GPC5: variants seen among roughly 807,000 people sequenced by gnomAD.
GPC5 encodes glypican-5.
GPC5 carries 47 observed loss-of-function variants against 53.9 expected under a neutral mutation model. That is an observed-to-expected ratio of 0.87 (90% CI 0.69 to 1.11). The LOEUF is 1.11. GPC5 is among the 50% of genes most tolerant of loss of function. The probability of loss-of-function intolerance (pLI) is 0.00; values close to 1 mark genes in which losing one functional copy is unlikely to be tolerated. For missense variants in GPC5, 748 were observed against 713.1 expected (o/e 1.05, Z -0.56); for synonymous variants, 286 against 263.3 (o/e 1.09, Z -0.84).
rs552918272 is a variant in GPC5, at chr13:92,574,487, C to T, written c.1562-291795C>T. Among the ~76,000 whole-genome samples the T allele has an allele frequency of 1.9e-4, 29 of 152,244 alleles. No homozygotes were observed. The South Asian group carries it at 5.8e-3, about 30-fold the overall frequency. On this transcript the variant is annotated intron_variant, in intron 7 of 7. Transcript: ENST00000377067. ...TCTCTTTATAAGTATTACAGATTGT[C>T]ATAATTGATATGAACTATCAGAAAA...
At chr13:91,487,846 G>A (rs1207127224) in intron 2 of GPC5, among the ~76,000 whole-genome samples, 1 of 151,638 alleles carries the variant, frequency 6.6e-6, no homozygotes, top group African/African-American at 2.4e-5. Flanking sequence ...CATATGTTAG[G>A]ATTATCCTAC....
chr13:92,091,090 CTGTT>C (rs750630673), intron 6 of GPC5, among the ~76,000 whole-genome samples: 2 of 152,178 alleles, frequency 1.3e-5, no homozygotes, highest in Non-Finnish European at 2.9e-5. Context: ...AAATAAATGT[CTGTT>C]TAAGACAGCA....
intron 7 of GPC5, among the ~76,000 whole-genome samples, chr13:92,512,438 G>A (rs1426305600): frequency 6.6e-6 from 1 of 151,920 alleles, no homozygotes; most frequent in Non-Finnish European, 1.5e-5. Flanking sequence ...TAGTATGTGT[G>A]AACATTTCAA....
intron 7 of GPC5, among the ~76,000 whole-genome samples, chr13:92,306,517 A>G (rs1162204844): frequency 6.6e-6 from 1 of 152,150 alleles, no homozygotes; most frequent in African/African-American, 2.4e-5. Flanking sequence ...GTAGACTCTT[A>G]CCCTAGCCAG....
intron 3 of GPC5, among the ~76,000 whole-genome samples, chr13:91,717,002 T>C (rs1427529058): frequency 1.3e-5 from 2 of 152,258 alleles, no homozygotes; most frequent in African/African-American, 4.8e-5. Flanking sequence ...TCCTCTGCTC[T>C]ACTCCACATT....
At chr13:92,478,318 T>C (rs1879226527) in intron 7 of GPC5, among the ~76,000 whole-genome samples, 1 of 152,140 alleles carries the variant, frequency 6.6e-6, no homozygotes, top group African/African-American at 2.4e-5. Context: ...GCCTTGTAAA[T>C]AAAGACAGTT....
At chr13:91,829,748 G>C (rs1166571645) in intron 5 of GPC5, among the ~76,000 whole-genome samples, 2 of 151,984 alleles carry the variant, frequency 1.3e-5, no homozygotes, top group African/African-American at 4.8e-5. Flanking sequence ...GCATCCGGGG[G>C]AGACATCACA....
chr13:92,527,595 A>T (rs932351787), intron 7 of GPC5, among the ~76,000 whole-genome samples: 1 of 151,996 alleles, frequency 6.6e-6, no homozygotes, highest in Non-Finnish European at 1.5e-5. Flanking sequence ...GGGAGGGAAG[A>T]AGGAGGTGGA....
chr13:91,652,103 A>G (rs1209424769), intron 2 of GPC5, among the ~76,000 whole-genome samples: 3 of 152,010 alleles, frequency 2.0e-5, no homozygotes, highest in South Asian at 4.2e-4. Context: ...AGGTTCCAAG[A>G]CTCCTAGTGG....
chr13:91,478,350 T>C (rs1883055396), intron 2 of GPC5, among the ~76,000 whole-genome samples: 1 of 152,094 alleles, frequency 6.6e-6, no homozygotes, highest in Admixed American at 6.5e-5. Flanking sequence ...TACAAATCCC[T>C]TTCCATTTCA....
intron 7 of GPC5, among the ~76,000 whole-genome samples, chr13:92,865,658 C>T (rs986753660): frequency 1.3e-5 from 2 of 152,036 alleles, no homozygotes; most frequent in African/African-American, 4.8e-5. Flanking sequence ...ATGTTCCCTC[C>T]ACAAGAAAAA....
At chr13:92,000,285 A>G (rs1389530200) in intron 6 of GPC5, among the ~76,000 whole-genome samples, 1 of 152,008 alleles carries the variant, frequency 6.6e-6, no homozygotes, top group Non-Finnish European at 1.5e-5. Flanking sequence ...AAATAGTTCT[A>G]TATTTGGATA....
rs187569343 is a variant in GPC5, at chr13:92,220,935, T to G, written c.1561+75946T>G. The stretch of plus-strand genomic sequence containing the variant: ...TCTTTAATGTCACTGTTCATAAGCC[T>G]TTTTTGTGAGGGGTGGAGGTTGTGT... On this transcript the variant is annotated intron_variant, in intron 7 of 7. Coordinates refer to ENST00000377067, the MANE Select transcript of GPC5 (RefSeq NM_004466.6). 6.5e-4 allele frequency among the ~76,000 whole-genome samples: 99 copies of G among 152,270 alleles called. 1 individual carries two copies. The highest frequency in any genetic ancestry group is 2.3e-3 in the African/African-American group (96 of 41,562).
At chr13:92,681,589 T>A (rs1241561266) in intron 7 of GPC5, among the ~76,000 whole-genome samples, 2 of 152,188 alleles carry the variant, frequency 1.3e-5, no homozygotes, top group African/African-American at 2.4e-5. Flanking sequence ...GAATCACACC[T>A]ACTTGTCTCA....
intron 3 of GPC5, among the ~76,000 whole-genome samples, chr13:91,695,801 C>T (rs1239124826): frequency 6.6e-6 from 1 of 152,152 alleles, no homozygotes; most frequent in East Asian, 1.9e-4. Context: ...CCAGGACCTT[C>T]TGATATATGT....
At chr13:91,632,299 C>G (rs1157977146) in intron 2 of GPC5, among the ~76,000 whole-genome samples, 1 of 151,970 alleles carries the variant, frequency 6.6e-6, no homozygotes, top group African/African-American at 2.4e-5. Context: ...TGCCTGTGTC[C>G]TTAGGGAATA....
At chr13:92,287,542 C>T (rs1444959165) in intron 7 of GPC5, among the ~76,000 whole-genome samples, 1 of 148,362 alleles carries the variant, frequency 6.7e-6, no homozygotes, top group Non-Finnish European at 1.5e-5. Flanking sequence ...TTATTTGCTG[C>T]ATATATATTT....
intron 7 of GPC5, among the ~76,000 whole-genome samples, chr13:92,600,207 C>G (rs1189653691): frequency 6.6e-6 from 1 of 152,252 alleles, no homozygotes; most frequent in Admixed American, 6.5e-5. Context: ...TCCAACAGTA[C>G]AACCGTAGCA....
intron 6 of GPC5, among the ~76,000 whole-genome samples, chr13:92,096,243 A>G (rs2041421216): frequency 6.6e-6 from 1 of 152,196 alleles, no homozygotes; most frequent in African/African-American, 2.4e-5. Flanking sequence ...CGACTCCACT[A>G]ACTCTCCCCC....
Sources: allele counts gnomAD v4.1 joint callset (sites outside exome capture counted in the v4.1 genomes callset), GRCh38; gene constraint gnomAD v4.1.1; transcripts MANE v1.5; gene names NCBI Gene and HGNC (gene_info 2026-07-23, HGNC 2026-07-21).